Variants in SNX8 observed in about 807,000 individuals in gnomAD.
SNX8 encodes the protein sorting nexin-8.
In SNX8, 25 loss-of-function variants were observed where a neutral mutation model predicts 51.6. That is an observed-to-expected ratio of 0.48 (90% CI 0.35 to 0.68). The LOEUF is 0.68. Among genes scored for constraint, SNX8 ranks in the 30% least tolerant of loss-of-function variants. The pLI, the probability that SNX8 is intolerant of heterozygous loss-of-function variation, is 0.00. For synonymous variants in SNX8, 324 were observed against 277.0 expected (o/e 1.17, Z -1.68); for missense variants, 695 against 624.0 (o/e 1.11, Z -1.21).
intron 1 of SNX8, among the ~76,000 whole-genome samples, chr7:2,288,757 AG>A (rs1320223105): frequency 6.6e-6 from 1 of 152,126 alleles, no homozygotes; most frequent in Non-Finnish European, 1.5e-5. Context: ...TTTTTGAGAC[AG>A]GGTCTCACTC....
chr7:2,331,184 CA>C (rs71023397), intron 1 of SNX8, among the ~76,000 whole-genome samples: 330 of 76,718 alleles, frequency 4.3e-3, no homozygotes, highest in South Asian at 0.026. Context: ...GACTCTGTCT[CA>C]AAAAAAAAAA....
chr7:2,261,664 G>A (rs1287419191), intron 7 of SNX8, among the ~76,000 whole-genome samples: 1 of 152,202 alleles, frequency 6.6e-6, no homozygotes, highest in African/African-American at 2.4e-5. Context: ...CAGACCTGGA[G>A]ACAGAAGAGA....
chr7:2,257,071 G>A (rs753037067), intron 9 of SNX8, 48 bp from the exon 10 acceptor site: 20 of 1,544,518 alleles, frequency 1.3e-5, no homozygotes, highest in Non-Finnish European at 1.7e-5. Flanking sequence ...CCGGCGACGG[G>A]AGCACCAAGG....
chr7:2,271,735 G>C (rs1436167563), intron 4 of SNX8, 115 bp downstream of exon 4: 2 of 1,185,598 alleles, frequency 1.7e-6, no homozygotes, highest in African/African-American at 3.1e-5. Flanking sequence ...ATTCCTGCTG[G>C]GCGTCCAAAC....
At chr7:2,264,033 C>T (rs532992935) in intron 6 of SNX8, among the ~76,000 whole-genome samples, 1 of 152,042 alleles carries the variant, frequency 6.6e-6, no homozygotes, top group East Asian at 1.9e-4. Flanking sequence ...TTTTTAAAGT[C>T]TCATCCTGAC....
rs1182127081 is a variant in SNX8 at position 2,257,030 on chromosome 7, A to G, written c.1135-7T>C. 4 of 1,594,602 alleles carry G rather than the reference A, an allele frequency of 2.5e-6. No homozygotes were observed. The highest frequency in any genetic ancestry group is 1.1e-5 in the South Asian group (1 of 89,808). ...TCTGAATCGCGTTCTCCTGCTGCGG[A>G]GCAAACAGCCGCCTTTCGCACCCGG... On this transcript the variant is annotated splice_polypyrimidine_tract_variant and splice_region_variant and intron_variant, in intron 9 of 10. Coordinates refer to ENST00000222990, the MANE Select transcript of SNX8 (RefSeq NM_013321.4).
intron 1 of SNX8, among the ~76,000 whole-genome samples, chr7:2,335,836 G>C (rs1778818677): frequency 2.0e-5 from 3 of 147,736 alleles, no homozygotes; most frequent in Admixed American, 6.8e-5. Flanking sequence ...AAATTCTACA[G>C]TAGGCAAAAC....
At chr7:2,257,070 G>C (rs368957267) in intron 9 of SNX8, 47 bp from the exon 10 acceptor site, 2 of 1,544,200 alleles carry the variant, frequency 1.3e-6, no homozygotes, top group Non-Finnish European at 1.7e-6. Context: ...GCCGGCGACG[G>C]GAGCACCAAG....
At chr7:2,294,641 A>G (rs1188236406) in intron 1 of SNX8, among the ~76,000 whole-genome samples, 1 of 152,154 alleles carries the variant, frequency 6.6e-6, no homozygotes, top group Non-Finnish European at 1.5e-5. Context: ...GGCCTCATTC[A>G]ACACCCAAAA....
At chr7:2,343,471 C>T (rs1562464364) in intron 1 of SNX8, among the ~76,000 whole-genome samples, 1 of 151,550 alleles carries the variant, frequency 6.6e-6, no homozygotes, top group African/African-American at 2.4e-5. Context: ...ATCAGGAGAT[C>T]GAGACGATCC....
At chr7:2,310,694 C>A (rs1796641897) in intron 1 of SNX8, among the ~76,000 whole-genome samples, 1 of 151,994 alleles carries the variant, frequency 6.6e-6, no homozygotes. Context: ...TGGCGTCAAC[C>A]CAGGAGGTGG....
chr7:2,258,386 C>T (rs1795249613), intron 7 of SNX8, among the ~76,000 whole-genome samples: 1 of 152,190 alleles, frequency 6.6e-6, no homozygotes, highest in South Asian at 2.1e-4. Flanking sequence ...TGCTCATCAG[C>T]CCGGCCTGCC....
chr7:2,277,571 C>T (rs961452539), intron 2 of SNX8, among the ~76,000 whole-genome samples: 3 of 151,790 alleles, frequency 2.0e-5, no homozygotes, highest in East Asian at 3.9e-4. Context: ...GAGGCCGAGG[C>T]GGGTGGATCA....
At chr7:2,272,074 C>A in intron 3 of SNX8, 103 bp from the exon 4 acceptor site, 1 of 1,493,416 alleles carries the variant, frequency 6.7e-7, no homozygotes, top group South Asian at 1.2e-5. Context: ...GCAGAGGGCC[C>A]AGCGGCTAGC....
rs79723695 is a variant in SNX8, at chr7:2,276,480, A to G, written c.301-1251T>C. On this transcript the variant is annotated intron_variant, in intron 2 of 10. Coordinates refer to ENST00000222990, the MANE Select transcript of SNX8 (RefSeq NM_013321.4). ...TCTGGAACACAGTGAAGCACAGCAG[A>G]GCAGACGGCAGGGAGGGGAGACCGG... is the stretch of plus-strand genomic sequence containing the variant. Among the ~76,000 whole-genome samples the G allele has an allele frequency of 1.2e-3, 185 of 152,282 alleles. 4 individuals are homozygous for G. The East Asian group carries it at 0.033, about 27-fold the overall frequency.
intron 1 of SNX8, among the ~76,000 whole-genome samples, chr7:2,303,459 A>G (rs1257998793): frequency 3.9e-5 from 6 of 152,260 alleles, no homozygotes; most frequent in Non-Finnish European, 8.8e-5. Flanking sequence ...AGGTGTACTC[A>G]ACAGCTCATT....
chr7:2,349,104 T>C (rs1779090806), intron 1 of SNX8, among the ~76,000 whole-genome samples: 1 of 150,308 alleles, frequency 6.7e-6, no homozygotes, highest in South Asian at 2.1e-4. Flanking sequence ...CTCAGGAGGC[T>C]GAGGCAGGAG....
chr7:2,271,101 T>C (rs1166886256), intron 4 of SNX8, among the ~76,000 whole-genome samples: 1 of 152,174 alleles, frequency 6.6e-6, no homozygotes, highest in Non-Finnish European at 1.5e-5. Flanking sequence ...TGGAGTGCAG[T>C]GGCACAATCA....
chr7:2,303,434 A>AG (rs1387980036), intron 1 of SNX8, among the ~76,000 whole-genome samples: 1 of 151,604 alleles, frequency 6.6e-6, no homozygotes, highest in Non-Finnish European at 1.5e-5. Context: ...CTGCCCGGCC[A>AG]CCACCCCGTC....
Sources: gnomAD v4.1 joint callset for allele counts (sites outside exome capture counted in the v4.1 genomes callset) on GRCh38, gnomAD v4.1.1 for gene constraint, MANE v1.5 for transcripts, NCBI Gene and HGNC (gene_info 2026-07-23, HGNC 2026-07-21) for gene names.